ZFHX3: variants seen among roughly 807,000 people sequenced by gnomAD.
ZFHX3 encodes the protein zinc finger homeobox protein 3.
ZFHX3 carries 42 observed loss-of-function variants against 279.1 expected under a neutral mutation model. The ratio of observed to expected loss-of-function variants is 0.15; its 90% confidence interval spans 0.12 to 0.19. The LOEUF is 0.19. Ranked by LOEUF, ZFHX3 falls within the 10% of genes least tolerant of loss-of-function variation. The probability of loss-of-function intolerance (pLI) is 1.00; values close to 1 mark genes in which losing one functional copy is unlikely to be tolerated. For missense variants in ZFHX3, 4,981 were observed against 4,754.0 expected (o/e 1.05, Z -1.40); for synonymous variants, 2,293 against 1,957.8 (o/e 1.17, Z -4.52).
rs531501618 is a variant in ZFHX3 at position 73,883,487 on chromosome 16, A to G, written c.-1608+8164T>C. 8.5e-5 allele frequency among the ~76,000 whole-genome samples: 13 copies of G among 152,186 alleles called. No homozygotes were observed. In the East Asian group the frequency reaches 2.1e-3, roughly 25 times the overall value. On this transcript the variant is annotated intron_variant, in intron 1 of 17. Transcript: ENST00000641206. ...TATACATACAATCACACACACGCAC[A>G]ATGCAACCACATCAATCAGTTGCTA... is the stretch of plus-strand genomic sequence containing the variant.
At chr16:73,392,468 A>G (rs994951696) in intron 3 of ZFHX3, among the ~76,000 whole-genome samples, 8 of 151,190 alleles carry the variant, frequency 5.3e-5, no homozygotes, top group African/African-American at 1.9e-4. Context: ...AATAGCAACA[A>G]AAGCATTTTA....
At chr16:73,314,505 G>A (rs183780071) in intron 4 of ZFHX3, among the ~76,000 whole-genome samples, 90 of 152,276 alleles carry the variant, frequency 5.9e-4, no homozygotes, top group South Asian at 1.5e-3. Flanking sequence ...TGGCAGAGCC[G>A]GGATGGAAAC....
chr16:72,821,264 T>G (rs1423665354), intron 5 of ZFHX3, among the ~76,000 whole-genome samples: 1 of 152,164 alleles, frequency 6.6e-6, no homozygotes, highest in African/African-American at 2.4e-5. Context: ...AGAAAGACAT[T>G]ACTCAGGTCC....
At chr16:73,015,658 G>A (rs1008698812) in intron 1 of ZFHX3, 1 of 152,174 alleles carries the variant, frequency 6.6e-6, no homozygotes, top group East Asian at 1.9e-4. Context: ...CTGAAGCCTC[G>A]CTGTGATGCC....
At chr16:73,130,983 G>A (rs138260281) in exon 7 of ZFHX3, 30 of 1,305,258 alleles carry the variant, frequency 2.3e-5, no homozygotes, top group Admixed American at 1.1e-4. Flanking sequence ...TGCAACTGCC[G>A]CTTTGTGCCT....
At chr16:73,772,983 G>A (rs187448635) in intron 1 of ZFHX3, among the ~76,000 whole-genome samples, 1 of 152,138 alleles carries the variant, frequency 6.6e-6, no homozygotes, top group Non-Finnish European at 1.5e-5. Flanking sequence ...TCAGCTCCAG[G>A]ACTTGGCTGT....
intron 4 of ZFHX3, among the ~76,000 whole-genome samples, chr16:72,882,686 C>G (rs913183249): frequency 6.6e-6 from 1 of 152,132 alleles, no homozygotes; most frequent in Non-Finnish European, 1.5e-5. Context: ...CTGCATATGT[C>G]CACCTTCCAG....
chr16:72,878,002 C>T (rs913244477), intron 4 of ZFHX3, among the ~76,000 whole-genome samples: 1 of 151,812 alleles, frequency 6.6e-6, no homozygotes, highest in Non-Finnish European at 1.5e-5. Flanking sequence ...CAAGAACAGC[C>T]CTGACAACAT....
At chr16:73,610,907 A>C (rs943278873) in intron 2 of ZFHX3, among the ~76,000 whole-genome samples, 2 of 152,214 alleles carry the variant, frequency 1.3e-5, no homozygotes, top group African/African-American at 4.8e-5. Context: ...TTCAGGGCTT[A>C]GGACAGCACC....
intron 2 of ZFHX3, among the ~76,000 whole-genome samples, chr16:73,514,409 C>G (rs2019485556): frequency 6.6e-6 from 1 of 152,126 alleles, no homozygotes; most frequent in African/African-American, 2.4e-5. Context: ...CAACACTATG[C>G]TAGGCATTTT....
At chr16:73,589,248 A>G (rs2051963694) in intron 2 of ZFHX3, among the ~76,000 whole-genome samples, 1 of 120,332 alleles carries the variant, frequency 8.3e-6, no homozygotes, top group African/African-American at 3.2e-5. Flanking sequence ...CGACAGAGCA[A>G]GATTCTGTCT....
chr16:73,171,275 C>G (rs1293186738), intron 5 of ZFHX3, among the ~76,000 whole-genome samples: 1 of 152,038 alleles, frequency 6.6e-6, no homozygotes, highest in Non-Finnish European at 1.5e-5. Context: ...AATAATTACT[C>G]TGGGATAATA....
At chr16:72,811,532 T>C (rs2036446907) in intron 7 of ZFHX3, 45 bp downstream of exon 7, 7 of 1,505,430 alleles carry the variant, frequency 4.6e-6, no homozygotes, top group Non-Finnish European at 6.3e-6. Flanking sequence ...GCATCACCTT[T>C]GACCCTGGAG....
chr16:73,647,503 T>A (rs974531133), intron 2 of ZFHX3, among the ~76,000 whole-genome samples: 2 of 152,172 alleles, frequency 1.3e-5, no homozygotes, highest in Non-Finnish European at 2.9e-5. Flanking sequence ...TCTTAAGACA[T>A]CTTTCACCTT....
chr16:73,651,833 T>A (rs1597048157), intron 2 of ZFHX3, among the ~76,000 whole-genome samples: 2 of 140,266 alleles, frequency 1.4e-5, no homozygotes, highest in Middle Eastern at 3.7e-3. Flanking sequence ...CCAGCCTGGG[T>A]GACAGAGCAA....
chr16:73,780,261 C>T (rs1959420006), intron 1 of ZFHX3, among the ~76,000 whole-genome samples: 1 of 150,624 alleles, frequency 6.6e-6, no homozygotes, highest in Non-Finnish European at 1.5e-5. Flanking sequence ...GATTCTTGTG[C>T]CTCAGCCTCC....
chr16:73,326,652 T>G (rs1003209475), intron 3 of ZFHX3, among the ~76,000 whole-genome samples: 2 of 152,180 alleles, frequency 1.3e-5, no homozygotes, highest in Non-Finnish European at 2.9e-5. Flanking sequence ...GATGTGGTTT[T>G]TATTTTGGGG....
intron 3 of ZFHX3, among the ~76,000 whole-genome samples, chr16:73,366,277 T>C (rs1382896585): frequency 6.6e-6 from 1 of 152,160 alleles, no homozygotes; most frequent in Non-Finnish European, 1.5e-5. Flanking sequence ...CTGAGAAGGA[T>C]ACTGGATGGG....
At chr16:72,872,552 G>T (rs1325337268) in intron 4 of ZFHX3, among the ~76,000 whole-genome samples, 1 of 152,086 alleles carries the variant, frequency 6.6e-6, no homozygotes, top group Non-Finnish European at 1.5e-5. Context: ...CCGTCTCCCG[G>T]GTTCAAGCAA....
Sources: gnomAD v4.1 joint callset for allele counts (sites outside exome capture counted in the v4.1 genomes callset) on GRCh38, gnomAD v4.1.1 for gene constraint, MANE v1.5 for transcripts, NCBI Gene and HGNC (gene_info 2026-07-23, HGNC 2026-07-21) for gene names.